FSIP1: variants seen among roughly 807,000 people sequenced by gnomAD.
The protein encoded by FSIP1 is fibrous sheath interacting protein 1, also known as fibrous sheath-interacting protein 1.
Under a neutral mutation model 60.9 loss-of-function variants are expected in FSIP1, and 65 were observed. The ratio of observed to expected loss-of-function variants is 1.07; its 90% confidence interval spans 0.87 to 1.31. The LOEUF (loss-of-function observed/expected upper bound fraction) is 1.31, where lower values mean the gene tolerates loss of function less well. Ranked by LOEUF, FSIP1 falls within the 40% of genes most tolerant of loss-of-function variation. The pLI is 0.00. For missense variants in FSIP1, 675 were observed against 665.5 expected, an observed-to-expected ratio of 1.01 and a Z score of -0.16; for synonymous variants, 209 against 221.2, an observed-to-expected ratio of 0.94 and a Z score of 0.49.
At chr15:39,745,379 G>A (rs904803653) in intron 5 of FSIP1, among the ~76,000 whole-genome samples, 3 of 152,042 alleles carry the variant, frequency 2.0e-5, no homozygotes, top group Non-Finnish European at 4.4e-5. Flanking sequence ...AGTTTCTGTG[G>A]CACATTTCCG....
At chr15:39,725,407 C>A (rs1002506343) in intron 9 of FSIP1, among the ~76,000 whole-genome samples, 1 of 152,214 alleles carries the variant, frequency 6.6e-6, no homozygotes, top group African/African-American at 2.4e-5. Flanking sequence ...GCCAGAAATA[C>A]AACCAGTCAC....
intron 5 of FSIP1, among the ~76,000 whole-genome samples, chr15:39,750,401 A>C (rs1897128091): frequency 6.6e-6 from 1 of 151,984 alleles, no homozygotes; most frequent in Admixed American, 6.6e-5. Flanking sequence ...AGTATTACTA[A>C]TGTAATCAAA....
intron 10 of FSIP1, among the ~76,000 whole-genome samples, chr15:39,633,490 G>T (rs1293735317): frequency 6.6e-6 from 1 of 152,020 alleles, no homozygotes; most frequent in South Asian, 2.1e-4. Context: ...ATTAAGCCAG[G>T]TGACTTCTTC....
Position 39,757,004 on chromosome 15 carries a change from G to C in FSIP1, c.559+6817C>G, listed in dbSNP as rs146048532. Among the ~76,000 whole-genome samples the C allele has an allele frequency of 2.4e-4, 36 of 152,084 alleles. No individual in the cohort carries two copies. In the East Asian group the frequency reaches 5.0e-3, roughly 21 times the overall value. On this transcript the variant is annotated intron_variant, in intron 5 of 11. Coordinates refer to ENST00000350221, the MANE Select transcript of FSIP1 (RefSeq NM_152597.5). ...GGTTTAAGCCAAAAATGTATGCCAG[G>C]AGCTTTAAAATTTTTTTAAATGCTT...
intron 10 of FSIP1, among the ~76,000 whole-genome samples, chr15:39,673,717 C>T (rs1009695323): frequency 2.6e-5 from 4 of 152,146 alleles, no homozygotes; most frequent in African/African-American, 7.2e-5. Flanking sequence ...TTAGATAATA[C>T]GATACACCCT....
At chr15:39,683,456 G>A (rs761820331) in intron 10 of FSIP1, among the ~76,000 whole-genome samples, 3 of 151,776 alleles carry the variant, frequency 2.0e-5, no homozygotes, top group African/African-American at 4.8e-5. Context: ...TAACACCTAC[G>A]TCTAACATAA....
chr15:39,638,619 T>C (rs1183527547), intron 10 of FSIP1, among the ~76,000 whole-genome samples: 1 of 152,216 alleles, frequency 6.6e-6, no homozygotes, highest in Non-Finnish European at 1.5e-5. Context: ...CATTTGGATA[T>C]ATGCATCCAT....
chr15:39,720,697 C>T (rs1050025140), intron 9 of FSIP1, among the ~76,000 whole-genome samples: 1 of 152,190 alleles, frequency 6.6e-6, no homozygotes, highest in African/African-American at 2.4e-5. Context: ...GAATCTGATA[C>T]TTCTACGAAT....
intron 10 of FSIP1, among the ~76,000 whole-genome samples, chr15:39,638,953 C>G (rs1172107562): frequency 1.3e-5 from 2 of 151,872 alleles, no homozygotes; most frequent in African/African-American, 4.8e-5. Context: ...AAAGCTAATA[C>G]TTATTTAAGA....
At chr15:39,713,154 T>G (rs972897585) in intron 10 of FSIP1, among the ~76,000 whole-genome samples, 3 of 152,262 alleles carry the variant, frequency 2.0e-5, no homozygotes, top group South Asian at 2.1e-4. Context: ...TTTTTAGCTT[T>G]TATTCACATT....
chr15:39,747,270 T>C (rs1595689768), intron 5 of FSIP1: 1 of 152,204 alleles, frequency 6.6e-6, no homozygotes, highest in South Asian at 2.1e-4. Context: ...TCCTCTAAAG[T>C]AATACAAGGA....
intron 9 of FSIP1, among the ~76,000 whole-genome samples, chr15:39,714,555 T>A (rs1895659901): frequency 6.6e-6 from 1 of 151,104 alleles, no homozygotes; most frequent in South Asian, 2.1e-4. Context: ...CTCACCGTCT[T>A]AGTTAAGATA....
At position 39,648,813 on chromosome 15, in the gene FSIP1, T is replaced by C. The variant is rs1024379042; in HGVS notation, c.1189-30568A>G. Among the ~76,000 whole-genome samples the C allele has an allele frequency of 5.3e-5, 8 of 152,334 alleles. No individual in the cohort carries two copies. The East Asian group carries it at 1.2e-3, about 22-fold the overall frequency. On this transcript the variant is annotated intron_variant, in intron 10 of 11. Transcript: ENST00000350221. ...AATAAAGAGGCAGGCATTTTAAAGA[T>C]GACCCCTTCAAATAATCTGAGCATT...
chr15:39,757,710 A>G (rs1034695680), intron 5 of FSIP1, among the ~76,000 whole-genome samples: 1 of 152,114 alleles, frequency 6.6e-6, no homozygotes, highest in Non-Finnish European at 1.5e-5. Flanking sequence ...ACAATCATCA[A>G]AAAAAGATTC....
intron 10 of FSIP1, among the ~76,000 whole-genome samples, chr15:39,642,446 C>T (rs977902921): frequency 2.0e-5 from 3 of 152,162 alleles, no homozygotes; most frequent in South Asian, 2.1e-4. Context: ...GACTTGGGGG[C>T]GGCTCTTAGC....
chr15:39,750,354 TA>T (rs1897127008), intron 5 of FSIP1, among the ~76,000 whole-genome samples: 1 of 151,850 alleles, frequency 6.6e-6, no homozygotes. Context: ...AAAGAAAAAC[TA>T]AAGTTGAAGG....
Position 39,600,761 on chromosome 15 carries a change from T to C in FSIP1, c.*119A>G, listed in dbSNP as rs1890609447. On this transcript the variant is annotated 3_prime_UTR_variant, in exon 12 of 12. Transcript: ENST00000350221. ...ATAATCCACAAAGAGCGACTCCAAATGTCAAAATCAATAAAGAATAGTCTC... is the reference window on the plus strand; with the variant it reads ...ATAATCCACAAAGAGCGACTCCAAACGTCAAAATCAATAAAGAATAGTCTC... 1 of 702,908 alleles carries C rather than the reference T, an allele frequency of 1.4e-6. No individual in the cohort carries two copies. The highest frequency in any genetic ancestry group is 2.9e-5 in the East Asian group (1 of 33,982). The allele number at this position is 702,908 out of a possible 1,614,324, so 43.5% of individuals were successfully genotyped here.
At chr15:39,645,127 C>T (rs1326942643) in intron 10 of FSIP1, among the ~76,000 whole-genome samples, 2 of 152,018 alleles carry the variant, frequency 1.3e-5, no homozygotes, top group African/African-American at 2.4e-5. Context: ...ATCAAAAAGA[C>T]GAGATAACAA....
intron 9 of FSIP1, among the ~76,000 whole-genome samples, chr15:39,724,254 C>CT (rs377351491): frequency 2.7e-3 from 388 of 141,838 alleles, no homozygotes; most frequent in East Asian, 8.1e-3. Flanking sequence ...CATATTCATA[C>CT]TTTTTTTTTT....
Sources: gnomAD v4.1 joint callset for allele counts (sites outside exome capture counted in the v4.1 genomes callset) on GRCh38, gnomAD v4.1.1 for gene constraint, MANE v1.5 for transcripts, NCBI Gene and HGNC (gene_info 2026-07-23, HGNC 2026-07-21) for gene names.